Variants in NPLOC4 observed in about 807,000 individuals in gnomAD.
The protein encoded by NPLOC4 is nuclear protein localization protein 4 homolog.
NPLOC4 carries 18 observed loss-of-function variants against 80.6 expected under a neutral mutation model. The ratio of observed to expected loss-of-function variants is 0.22; its 90% CI spans 0.15 to 0.33. NPLOC4 has a LOEUF of 0.33. NPLOC4 is among the 10% of genes least tolerant of loss of function. The probability of loss-of-function intolerance (pLI) is 1.00; values close to 1 mark genes in which losing one functional copy is unlikely to be tolerated. For synonymous variants in NPLOC4, 313 were observed against 301.5 expected, an observed-to-expected ratio of 1.04 and a Z score of -0.39; for missense variants, 540 against 786.1, an observed-to-expected ratio of 0.69 and a Z score of 3.74.
At chr17:81,617,378 AG>A (rs1473093339) in intron 3 of NPLOC4, among the ~76,000 whole-genome samples, 1 of 152,202 alleles carries the variant, frequency 6.6e-6, no homozygotes, top group African/African-American at 2.4e-5. Flanking sequence ...CTGTCTCTAA[AG>A]AAAAAAAGAG....
At chr17:81,608,046 C>A (rs1431819451) in intron 6 of NPLOC4, among the ~76,000 whole-genome samples, 1 of 152,196 alleles carries the variant, frequency 6.6e-6, no homozygotes, top group Non-Finnish European at 1.5e-5. Flanking sequence ...TAAAAGAAAT[C>A]AAAATGCTCA....
intron 9 of NPLOC4, among the ~76,000 whole-genome samples, chr17:81,599,498 C>G (rs2035009253): frequency 6.6e-6 from 1 of 152,060 alleles, no homozygotes; most frequent in Non-Finnish European, 1.5e-5. Flanking sequence ...TGTTTCTTTC[C>G]TAAAGACAGT....
Position 81,580,433 on chromosome 17 carries a change from G to A in NPLOC4, c.1282-8345C>T, listed in dbSNP as rs946587404. On this transcript the variant is annotated intron_variant, in intron 12 of 16. Transcript: ENST00000331134. The surrounding 1 kb of genome is among the most constrained non-coding windows in gnomAD (Gnocchi z 4.4). The stretch of plus-strand genomic sequence containing the variant: ...GCCAGAGTGATCGTCTCACAGCCCC[G>A]GCACAGCCATCTCCCTTCAGCACCT... Among the ~76,000 whole-genome samples, 6 of 152,024 alleles carry A rather than the reference G, an allele frequency of 3.9e-5. No individual in the cohort carries two copies. Among genetic ancestry groups the A allele is most frequent in the African/African-American group, 1.2e-4 (5 of 41,396 alleles).
intron 3 of NPLOC4, among the ~76,000 whole-genome samples, chr17:81,618,557 G>A (rs2035573934): frequency 1.3e-5 from 1 of 77,768 alleles, no homozygotes; most frequent in South Asian, 6.9e-4. Flanking sequence ...CCCCCGCCCG[G>A]CCAGCCGCCC....
chr17:81,563,768 T>G (rs1306429345), intron 16 of NPLOC4: 1 of 345,694 alleles, frequency 2.9e-6, no homozygotes, highest in Non-Finnish European at 5.7e-6. Context: ...ATTAAAAAAT[T>G]TTGCAGCCAT....
chr17:81,602,907 A>G (rs2035096702), intron 8 of NPLOC4, among the ~76,000 whole-genome samples: 1 of 141,882 alleles, frequency 7.0e-6, no homozygotes, highest in Admixed American at 7.5e-5. Context: ...ACATACATAC[A>G]TATATATGTA....
intron 3 of NPLOC4, among the ~76,000 whole-genome samples, chr17:81,617,758 G>A (rs1006165868): frequency 8.7e-5 from 13 of 149,850 alleles, no homozygotes; most frequent in South Asian, 2.1e-4. Flanking sequence ...CAACCTCCCT[G>A]CCTGATTCTC....
intron 3 of NPLOC4, among the ~76,000 whole-genome samples, chr17:81,619,683 A>G (rs1425045041): frequency 6.6e-6 from 1 of 152,062 alleles, no homozygotes; most frequent in Non-Finnish European, 1.5e-5. Context: ...GATTGAGATC[A>G]GCCTGGCCAA....
intron 12 of NPLOC4, among the ~76,000 whole-genome samples, chr17:81,573,899 G>A (rs552838415): frequency 2.0e-5 from 3 of 152,308 alleles, no homozygotes; most frequent in Admixed American, 6.5e-5. Flanking sequence ...ACTTTCCACC[G>A]ACTTGGGTGA....
At position 81,604,835 on chromosome 17, in the gene NPLOC4, A is replaced by T. The variant is rs900654997; in HGVS notation, c.655-108T>A. On this transcript the variant is annotated intron_variant, in intron 7 of 16. Coordinates refer to ENST00000331134, the MANE Select transcript of NPLOC4 (RefSeq NM_017921.4). ...ATATCTTTTACCTAGTTCTTTAAAA[A>T]ACAAACCAATAGGGTGTGATGGTGC... The T allele has an allele frequency of 1.8e-5, 19 of 1,034,808 alleles. No individual in the cohort carries two copies. In the East Asian group the frequency reaches 4.9e-4, roughly 27 times the overall value. 64.1% of individuals were successfully genotyped at this position (1,034,808 alleles called of 1,614,324 possible).
At position 81,637,062 on chromosome 17, in the gene NPLOC4, T is replaced by C. The variant is rs2036102724; in HGVS notation, c.-132A>G. 4.5e-6 allele frequency: 2 copies of C among 447,804 alleles called. No individual in the cohort carries two copies. The highest frequency in any genetic ancestry group is 1.0e-4 in the East Asian group (2 of 19,824). 27.7% of individuals were successfully genotyped at this position (447,804 alleles called of 1,614,324 possible). ...CGCCGCCGCCACCGCCGCTCCAGCTTCGCCCGCCCGGCTCCGCCAGCCGCC... is the reference window on the plus strand; with the variant it reads ...CGCCGCCGCCACCGCCGCTCCAGCTCCGCCCGCCCGGCTCCGCCAGCCGCC... On this transcript the variant is annotated 5_prime_UTR_variant, in exon 1 of 17. Transcript: ENST00000331134.
intron 12 of NPLOC4, among the ~76,000 whole-genome samples, 178 bp downstream of exon 12, chr17:81,588,766 A>G (rs2034657469): frequency 6.6e-6 from 1 of 152,238 alleles, no homozygotes; most frequent in African/African-American, 2.4e-5. Flanking sequence ...TACGCCATGG[A>G]AGCATGAGTA....
intron 1 of NPLOC4, among the ~76,000 whole-genome samples, chr17:81,633,709 CTT>C (rs955357495): frequency 2.0e-5 from 3 of 152,086 alleles, no homozygotes; most frequent in African/African-American, 7.2e-5. Context: ...CACAGAAACT[CTT>C]TTCTCCCCCC....
intron 11 of NPLOC4, among the ~76,000 whole-genome samples, chr17:81,595,361 G>A (rs2034872335): frequency 6.7e-6 from 1 of 150,034 alleles, no homozygotes; most frequent in Admixed American, 6.6e-5. Context: ...TTGAACCCAG[G>A]AGGCGGACGT....
At chr17:81,594,979 C>A (rs1473312150) in intron 11 of NPLOC4, among the ~76,000 whole-genome samples, 2 of 151,916 alleles carry the variant, frequency 1.3e-5, no homozygotes, top group Admixed American at 1.3e-4. Flanking sequence ...ACACAAAAAC[C>A]CGGCAAACTC....
intron 6 of NPLOC4, among the ~76,000 whole-genome samples, chr17:81,607,467 T>C (rs1344903416): frequency 6.6e-6 from 1 of 152,148 alleles, no homozygotes; most frequent in South Asian, 2.1e-4. Flanking sequence ...AAACGATATA[T>C]TTACAGTGTA....
chr17:81,618,555 C>T (rs1006196052), intron 3 of NPLOC4, among the ~76,000 whole-genome samples: 3 of 78,606 alleles, frequency 3.8e-5, no homozygotes, highest in Admixed American at 1.3e-4. Flanking sequence ...TGCCCCCGCC[C>T]GGCCAGCCGC....
intron 5 of NPLOC4, among the ~76,000 whole-genome samples, chr17:81,609,813 C>G (rs2035295965): frequency 6.6e-6 from 1 of 152,186 alleles, no homozygotes; most frequent in Admixed American, 6.5e-5. Flanking sequence ...GGCATTATTA[C>G]GGTAACTCTC....
chr17:81,610,962 A>T (rs2035325318), intron 4 of NPLOC4, among the ~76,000 whole-genome samples: 1 of 34,372 alleles, frequency 2.9e-5, no homozygotes, highest in Non-Finnish European at 1.2e-4. Flanking sequence ...CCGTCTCAAA[A>T]AAAAAAAAAA....
Sources: allele counts gnomAD v4.1 joint callset (sites outside exome capture counted in the v4.1 genomes callset), GRCh38; gene constraint gnomAD v4.1.1; non-coding constraint Gnocchi (gnomAD v3.1); transcripts MANE v1.5; gene names NCBI Gene and HGNC (gene_info 2026-07-23, HGNC 2026-07-21).